Variants in AKR1B10 observed in about 807,000 individuals in gnomAD.
AKR1B10 encodes ARP.
In AKR1B10, 39 loss-of-function variants were observed where a neutral mutation model predicts 38.9. The ratio of observed to expected loss-of-function variants is 1.00; its 90% CI spans 0.78 to 1.31. AKR1B10 has a LOEUF of 1.31. AKR1B10 is among the 50% of genes most tolerant of loss of function. AKR1B10 has a pLI of 0.00. For missense variants in AKR1B10, 361 were observed against 382.6 expected (o/e 0.94, Z 0.47); for synonymous variants, 148 against 141.2 (o/e 1.05, Z -0.34).
intron 4 of AKR1B10, among the ~76,000 whole-genome samples, chr7:134,536,364 AG>A (rs36042916): frequency 1 from 152,339 of 152,340 alleles, 76,169 homozygotes; most frequent in Middle Eastern, 1. Flanking sequence ...CCCTGTGTAC[AG>A]GAAGTTTAAT....
chr7:134,535,585 C>CTTTTTTTTTT (rs58628862), intron 4 of AKR1B10: 225 of 410,574 alleles, frequency 5.5e-4, no homozygotes, highest in East Asian at 1.3e-3. Flanking sequence ...TCTTTTCTGT[C>CTTTTTTTTTT]TTTTTTTTTT....
chr7:134,540,729 T>C (rs1808128751), intron 9 of AKR1B10, among the ~76,000 whole-genome samples: 1 of 152,218 alleles, frequency 6.6e-6, no homozygotes, highest in Admixed American at 6.5e-5. Context: ...TCTGCTGTTG[T>C]TTCCTACTTC....
intron 9 of AKR1B10, among the ~76,000 whole-genome samples, chr7:134,539,541 G>A (rs1808095999): frequency 6.6e-6 from 1 of 152,138 alleles, no homozygotes. Context: ...TGTAAAGGGA[G>A]GCTTTGCTGT....
In AKR1B10 at chr7:134,536,789, T is replaced by A. The variant is rs56016537; in HGVS notation, c.552+17T>A. On this transcript the variant is annotated intron_variant, in intron 5 of 9. Transcript: ENST00000359579. Reference sequence around the variant, plus strand: ...ACTAACCAGGTAAATTCTATTCAGTTTAAGGGTAAGGGTCCTGCCCTATTA... The same window carrying A: ...ACTAACCAGGTAAATTCTATTCAGTATAAGGGTAAGGGTCCTGCCCTATTA... 71,598 of 1,613,548 alleles carry A rather than the reference T, an allele frequency of 0.044. 2,497 individuals carry two copies. The highest frequency in any genetic ancestry group is 0.15 in the African/African-American group (10,981 of 74,930).
At position 134,530,684 on chromosome 7, in the gene AKR1B10, T is replaced by G; in HGVS notation, c.108T>G (p.Ile36Met). 1.2e-6 allele frequency: 2 copies of G among 1,614,066 alleles called. No individual in the cohort carries two copies. Among genetic ancestry groups the G allele is most frequent in the Non-Finnish European group, 1.7e-6 (2 of 1,179,966 alleles). ...TGAAAGAAGCAGTGAAGGTGGCCAT[T>G]GATGCAGGATATCGGCACATTGACT... ...GKVKEAVKVAIDAGYRHIDCA... is the reference protein window; with the variant it reads ...GKVKEAVKVAMDAGYRHIDCA... The change falls in exon 2 of 10, where the codon ATT (isoleucine) becomes ATG (methionine). Residue 36 changes from isoleucine to methionine, a missense_variant. This residue lies in a region of AKR1B10 where 220 missense variants were observed against 216.1 expected (regional missense o/e 1.02). Coordinates refer to ENST00000359579, the MANE Select transcript of AKR1B10 (RefSeq NM_020299.5).
At chr7:134,531,160 A>G (rs1807846124) in intron 2 of AKR1B10, among the ~76,000 whole-genome samples, 1 of 152,122 alleles carries the variant, frequency 6.6e-6, no homozygotes, top group Non-Finnish European at 1.5e-5. Flanking sequence ...CCTCCCTTTC[A>G]GCACTGTGAT....
chr7:134,535,637 G>GA (rs1298956461), intron 4 of AKR1B10: 2 of 409,280 alleles, frequency 4.9e-6, no homozygotes, highest in African/African-American at 5.1e-5. Flanking sequence ...TACTCTACCT[G>GA]AAGGACTCCC....
chr7:134,530,294 G>A (rs191956260), intron 1 of AKR1B10, among the ~76,000 whole-genome samples: 2 of 152,282 alleles, frequency 1.3e-5, no homozygotes, highest in South Asian at 2.1e-4. Context: ...GATGAAAAGG[G>A]AACTGACTTT....
chr7:134,537,536 G>T, intron 6 of AKR1B10, 44 bp from the exon 7 acceptor site: 1 of 1,593,276 alleles, frequency 6.3e-7, no homozygotes. Context: ...TTCTGTACAT[G>T]GTAGCCATGG....
At chr7:134,533,949 T>C (rs1432020982) in intron 4 of AKR1B10, among the ~76,000 whole-genome samples, 1 of 152,200 alleles carries the variant, frequency 6.6e-6, no homozygotes, top group Non-Finnish European at 1.5e-5. Context: ...AATCGTGTTA[T>C]TTTGGTAGCT....
intron 1 of AKR1B10, 124 bp from the exon 2 acceptor site, chr7:134,530,515 AATTC>A (rs1807819463): frequency 1.0e-6 from 1 of 966,534 alleles, no homozygotes; most frequent in Non-Finnish European, 1.5e-6. Context: ...AGAGTGGTGT[AATTC>A]CAGCTACTCG....
rs376833774 is a variant in AKR1B10, at chr7:134,538,034, GT to G, written c.742-159del. On this transcript the variant is annotated intron_variant, in intron 7 of 9. Transcript: ENST00000359579. The stretch of plus-strand genomic sequence containing the variant: ...CTCTAAGGTGAAGGGAGAGAAAGAG[GT>G]GGGGGTCTGGCACAAGTCTAATAGC... 2.0e-3 allele frequency: 1,427 copies of G among 730,272 alleles called. 12 individuals are homozygous for G. The East Asian group carries it at 0.027, about 14-fold the overall frequency. The allele number at this position is 730,272 out of a possible 1,614,324, so 45.2% of individuals were successfully genotyped here.
intron 1 of AKR1B10, among the ~76,000 whole-genome samples, chr7:134,528,387 G>A (rs1045402264): frequency 6.6e-6 from 1 of 152,138 alleles, no homozygotes; most frequent in African/African-American, 2.4e-5. Flanking sequence ...ATCACGGTGT[G>A]AGACTTGGGC....
intron 9 of AKR1B10, 87 bp from the exon 10 acceptor site, chr7:134,540,960 C>A: frequency 1.1e-6 from 1 of 951,744 alleles, no homozygotes; most frequent in Non-Finnish European, 1.7e-6. Context: ...ATGATAGAGT[C>A]CACCAGGGAA....
rs755703365 is a variant in AKR1B10 at position 134,527,982 on chromosome 7, A to C, written c.66+5A>C. On this transcript the variant is annotated splice_donor_5th_base_variant and intron_variant, in intron 1 of 9. Coordinates refer to ENST00000359579, the MANE Select transcript of AKR1B10 (RefSeq NM_020299.5). ...GTGGGCCTGGGCACTTGGAAGGTAA[A>C]TATGCAAATCTTTGCACACCCTTCT... is the stretch of plus-strand genomic sequence containing the variant. The C allele has an allele frequency of 1.2e-6, 2 of 1,613,958 alleles. No individual in the cohort carries two copies. Among genetic ancestry groups the C allele is most frequent in the South Asian group, 2.2e-5 (2 of 91,072 alleles).
In AKR1B10 at chr7:134,530,823, A is replaced by C; in HGVS notation, c.234+13A>C. 1 of 1,601,772 alleles carries C rather than the reference A, an allele frequency of 6.2e-7. No individual in the cohort carries two copies. The highest frequency in any genetic ancestry group is 8.5e-7 in the Non-Finnish European group (1 of 1,173,962). On this transcript the variant is annotated intron_variant, in intron 2 of 9. Transcript: ENST00000359579. ...CATCGTCAGCAAGGTGCAATGGTGC[A>C]TTTGGTGGGAGGCCTTCACTTCAAG...
chr7:134,533,812 AAATGAATG>A (rs1477427878), intron 4 of AKR1B10, among the ~76,000 whole-genome samples: 2 of 152,186 alleles, frequency 1.3e-5, no homozygotes, highest in African/African-American at 4.8e-5. Flanking sequence ...TTCACATTCA[AAATGAATG>A]AAGGGATGAA....
At chr7:134,530,470 G>A (rs1340149891) in intron 1 of AKR1B10, among the ~76,000 whole-genome samples, 173 bp from the exon 2 acceptor site, 1 of 152,174 alleles carries the variant, frequency 6.6e-6, no homozygotes, top group Non-Finnish European at 1.5e-5. Context: ...GCCTGTTGAA[G>A]GTGGCCTGGG....
At chr7:134,538,770 A>C in intron 8 of AKR1B10, among the ~76,000 whole-genome samples, 165 bp from the exon 9 acceptor site, 1 of 152,196 alleles carries the variant, frequency 6.6e-6, no homozygotes, top group East Asian at 1.9e-4. Context: ...TTTGTGTAGG[A>C]CCTAATTTAG....
Sources: allele counts gnomAD v4.1 joint callset (sites outside exome capture counted in the v4.1 genomes callset), GRCh38; gene constraint gnomAD v4.1.1; regional missense constraint gnomAD v4.1.1; transcripts MANE v1.5; gene names NCBI Gene and HGNC (gene_info 2026-07-23, HGNC 2026-07-21).